FERMT2: variants seen among roughly 807,000 people sequenced by gnomAD.
FERMT2 encodes fermitin family homolog 2.
A neutral mutation model predicts 82.7 loss-of-function variants in FERMT2; 15 were observed. The observed-to-expected ratio is 0.18, with a 90% CI of 0.12 to 0.28. FERMT2 has a LOEUF of 0.28. FERMT2 is among the 10% of genes least tolerant of loss of function. FERMT2 has a pLI of 1.00. For missense variants in FERMT2, 645 were observed against 809.4 expected (o/e 0.80, Z 2.46); for synonymous variants, 274 against 271.5 (o/e 1.01, Z -0.09).
chr14:52,864,860 C>T lies in FERMT2; in HGVS notation c.1274-7G>A. Reference sequence around the variant, plus strand: ...TCTGGGGTAACTTCACATCCTGTAACAAAAAATTTTTATTAAAATGGCTAA... The same window carrying T: ...TCTGGGGTAACTTCACATCCTGTAATAAAAAATTTTTATTAAAATGGCTAA... On this transcript the variant is annotated splice_polypyrimidine_tract_variant and splice_region_variant and intron_variant, in intron 10 of 14. Coordinates refer to ENST00000341590, the MANE Select transcript of FERMT2 (RefSeq NM_006832.3). 1 of 1,526,708 alleles carries T rather than the reference C, an allele frequency of 6.6e-7. No homozygotes were observed. The highest frequency in any genetic ancestry group is 9.0e-7 in the Non-Finnish European group (1 of 1,113,530). 94.6% of individuals were successfully genotyped at this position (1,526,708 alleles called of 1,614,324 possible).
At position 52,864,614 on chromosome 14, in the gene FERMT2, C is replaced by T; in HGVS notation, c.1389G>A (p.Gln463=). ...EIWLRCDNEK[Q]YAHWMAACRL... ...TGCAGGCTGCCATCCAGTGTGCATA[C>T]TGTTTTTCCTGGAGAAAAGAAATAC... is the stretch of plus-strand genomic sequence containing the variant. Residue 463 remains glutamine, a synonymous_variant, in exon 12 of 15, where the codon CAG becomes CAA. Coordinates refer to ENST00000341590, the MANE Select transcript of FERMT2 (RefSeq NM_006832.3). 6.2e-7 allele frequency: 1 copy of T among 1,613,876 alleles called. No homozygotes were observed. The highest frequency in any genetic ancestry group is 8.5e-7 in the Non-Finnish European group (1 of 1,179,760).
At chr14:52,911,353 C>CTTG (rs1888299273) in intron 3 of FERMT2, among the ~76,000 whole-genome samples, 1 of 152,002 alleles carries the variant, frequency 6.6e-6, no homozygotes, top group Non-Finnish European at 1.5e-5. Flanking sequence ...TCTTGAGCTA[C>CTTG]ACAAAAGCAG....
At chr14:52,883,493 A>G (rs1368784087) in intron 4 of FERMT2, among the ~76,000 whole-genome samples, 4 of 152,226 alleles carry the variant, frequency 2.6e-5, no homozygotes, top group Non-Finnish European at 5.9e-5. Flanking sequence ...TGTTTCTTTC[A>G]AAGATCTATT....
chr14:52,871,130 G>A (rs1361247880), intron 10 of FERMT2, among the ~76,000 whole-genome samples: 1 of 152,138 alleles, frequency 6.6e-6, no homozygotes, highest in Non-Finnish European at 1.5e-5. Context: ...TAGCTCCAGC[G>A]CCTAGTAATA....
At chr14:52,875,596 C>T (rs1885904896) in intron 7 of FERMT2, among the ~76,000 whole-genome samples, 2 of 152,092 alleles carry the variant, frequency 1.3e-5, no homozygotes, top group Admixed American at 6.5e-5. Context: ...CATTTGCGGG[C>T]TCTAAGACTT....
intron 2 of FERMT2, among the ~76,000 whole-genome samples, chr14:52,932,311 T>C (rs1173730421): frequency 6.6e-6 from 1 of 152,172 alleles, no homozygotes; most frequent in Admixed American, 6.5e-5. Context: ...TTAGGACTCA[T>C]TTACATTTCA....
intron 2 of FERMT2, among the ~76,000 whole-genome samples, chr14:52,932,445 G>A (rs1595013194): frequency 6.6e-6 from 1 of 152,132 alleles, no homozygotes; most frequent in Admixed American, 6.5e-5. Context: ...TATTATGCAT[G>A]TCTTTCTCTG....
At chr14:52,886,947 A>G (rs1401161219) in intron 4 of FERMT2, among the ~76,000 whole-genome samples, 1 of 152,242 alleles carries the variant, frequency 6.6e-6, no homozygotes, top group African/African-American at 2.4e-5. Flanking sequence ...TAAAAAATAT[A>G]TGAGGTCCAT....
chr14:52,928,282 A>G lies in FERMT2; in HGVS notation c.158-8926T>C, dbSNP rs112136178. The G allele has an allele frequency of 4.9e-3, 978 of 200,394 alleles. 9 individuals carry two copies. The highest frequency in any genetic ancestry group is 0.022 in the African/African-American group (955 of 44,382). 12.4% of individuals were successfully genotyped at this position (200,394 alleles called of 1,614,324 possible). The stretch of plus-strand genomic sequence containing the variant: ...CACAGATAACTTTTCTGGGCACGTG[A>G]CTTATTTCTGATAAATATATACTTT... On this transcript the variant is annotated intron_variant, in intron 2 of 14. Transcript: ENST00000341590.
At chr14:52,926,557 C>T (rs1297375582) in intron 2 of FERMT2, among the ~76,000 whole-genome samples, 1 of 152,110 alleles carries the variant, frequency 6.6e-6, no homozygotes, top group Non-Finnish European at 1.5e-5. Context: ...CAAAAACTTG[C>T]TCTGAGAGTC....
At chr14:52,876,979 T>A (rs984745651) in intron 7 of FERMT2, among the ~76,000 whole-genome samples, 3 of 152,164 alleles carry the variant, frequency 2.0e-5, no homozygotes, top group Admixed American at 2.0e-4. Flanking sequence ...CCATTCCATT[T>A]CCATGAATTA....
At chr14:52,938,375 A>T (rs1295010922) in intron 2 of FERMT2, among the ~76,000 whole-genome samples, 1 of 152,246 alleles carries the variant, frequency 6.6e-6, no homozygotes, top group East Asian at 1.9e-4. Flanking sequence ...AGCTCTTAGT[A>T]TAGTCATTCT....
At chr14:52,940,133 T>C (rs527551841) in intron 2 of FERMT2, among the ~76,000 whole-genome samples, 15 of 152,350 alleles carry the variant, frequency 9.8e-5, no homozygotes, top group African/African-American at 3.6e-4. Flanking sequence ...AGATGTCACC[T>C]TCTCTGGGCT....
intron 14 of FERMT2, chr14:52,859,339 C>T (rs1303980890): frequency 7.3e-6 from 3 of 411,532 alleles, no homozygotes; most frequent in East Asian, 4.0e-5. Flanking sequence ...TTATCCATTA[C>T]AGAAAGACAA....
chr14:52,881,092 T>C lies in FERMT2; in HGVS notation c.799A>G (p.Asn267Asp). 1 of 1,613,820 alleles carries C rather than the reference T, an allele frequency of 6.2e-7. No homozygotes were observed. Among genetic ancestry groups the C allele is most frequent in the Non-Finnish European group, 8.5e-7 (1 of 1,179,922 alleles). The change falls in exon 6 of 15, where the codon AAT becomes GAT. Residue 267 changes from asparagine to aspartate, a missense_variant. By Grantham distance (23) the Asn-to-Asp change is conservative. Coordinates refer to ENST00000341590, the MANE Select transcript of FERMT2 (RefSeq NM_006832.3). The part of the protein sequence containing the change: ...RSLMEQDVKE[N>D]EALLLRFKYY... ...TTGAATCGGAGCAGCAAGGCCTCAT[T>C]TTCCTTCACATCTTGTTCCATGAGA...
At chr14:52,949,068 G>A (rs1054174657) in intron 2 of FERMT2, among the ~76,000 whole-genome samples, 1 of 152,164 alleles carries the variant, frequency 6.6e-6, no homozygotes, top group African/African-American at 2.4e-5. Flanking sequence ...AATCAATACA[G>A]CAAAATCTAA....
chr14:52,877,231 A>G (rs1886013267), intron 7 of FERMT2, among the ~76,000 whole-genome samples: 2 of 152,286 alleles, frequency 1.3e-5, no homozygotes, highest in Admixed American at 1.3e-4. Context: ...ACAGTATAAA[A>G]TCTGTGGTCT....
chr14:52,872,733 G>A, intron 10 of FERMT2, 66 bp downstream of exon 10: 1 of 1,536,928 alleles, frequency 6.5e-7, no homozygotes, highest in Non-Finnish European at 8.8e-7. Context: ...CCCAGCAAGT[G>A]GCTCATTGAC....
intron 3 of FERMT2, among the ~76,000 whole-genome samples, chr14:52,902,874 A>AAAAAAAAAAAAC: frequency 7.4e-6 from 1 of 135,870 alleles, no homozygotes; most frequent in Non-Finnish European, 1.6e-5. Flanking sequence ...GTCTCAAAAA[A>AAAAAAAAAAAAC]AAAAAAAAAA....
Sources: allele counts gnomAD v4.1 joint callset (sites outside exome capture counted in the v4.1 genomes callset), GRCh38; gene constraint gnomAD v4.1.1; transcripts MANE v1.5; gene names NCBI Gene and HGNC (gene_info 2026-07-23, HGNC 2026-07-21).